The following ZNF331 variants were observed in gnomAD, a reference collection of about 807,000 sequenced individuals.
ZNF331 encodes the protein C2H2-like zinc finger protein rearranged in thyroid adenomas.
ZNF331 carries 2 observed loss-of-function variants against 7.0 expected under a neutral mutation model. That is an observed-to-expected ratio of 0.29 (90% CI 0.12 to 0.90). The LOEUF (loss-of-function observed/expected upper bound fraction) is 0.90. ZNF331 is among the 40% of genes least tolerant of loss of function. The pLI is 0.58. For synonymous variants in ZNF331, 196 were observed against 205.4 expected, an observed-to-expected ratio of 0.95 and a Z score of 0.39; for missense variants, 432 against 587.7, an observed-to-expected ratio of 0.74 and a Z score of 2.74.
At chr19:53,504,852 G>T in the ZNF331 span, among the ~76,000 whole-genome samples, 3 of 152,320 alleles carry the variant, frequency 2.0e-5, no homozygotes, top group Admixed American at 6.5e-5. Flanking sequence ...GGTGTGGTTA[G>T]CGGACAGAAA....
chr19:53,540,567 G>A (rs940819363), intron 2 of ZNF331, among the ~76,000 whole-genome samples: 6 of 152,038 alleles, frequency 3.9e-5, no homozygotes, highest in African/African-American at 1.4e-4. Flanking sequence ...CGAGTAGCTG[G>A]GATTACAGGC....
chr19:53,521,331 A>AGTGTGCGT (rs1555748068), exon 1 of ZNF331: 1 of 129,114 alleles, frequency 7.7e-6, no homozygotes, highest in African/African-American at 3.0e-5. Flanking sequence ...AGTGTGTGTG[A>AGTGTGCGT]GTGTGTGTGT....
chr19:53,564,688 T>C (rs2090072770), intron 3 of ZNF331, among the ~76,000 whole-genome samples: 1 of 152,254 alleles, frequency 6.6e-6, no homozygotes, highest in Non-Finnish European at 1.5e-5. Flanking sequence ...TATCATTATA[T>C]AACATTATTT....
chr19:53,504,665 T>C, the ZNF331 span, among the ~76,000 whole-genome samples: 5 of 152,246 alleles, frequency 3.3e-5, no homozygotes, highest in Admixed American at 1.3e-4. Flanking sequence ...TAGTAAAATA[T>C]ATATTTTCTC....
At chr19:53,550,529 C>CTTTTTTTTTTTTTTTTTTT (rs60619357) in intron 2 of ZNF331, among the ~76,000 whole-genome samples, 2 of 64,540 alleles carry the variant, frequency 3.1e-5, no homozygotes, top group Non-Finnish European at 5.2e-5. Context: ...TCTATTTTGT[C>CTTTTTTTTTTTTTTTTTTT]TTTTTTTTTT....
chr19:53,553,831 C>T (rs1448899740), intron 2 of ZNF331, among the ~76,000 whole-genome samples: 2 of 152,208 alleles, frequency 1.3e-5, no homozygotes, highest in African/African-American at 4.8e-5. Flanking sequence ...CATGGCTCAC[C>T]CGGCATCACC....
At chr19:53,569,505 C>G in intron 4 of ZNF331, 120 bp downstream of exon 4, 1 of 1,142,026 alleles carries the variant, frequency 8.8e-7, no homozygotes, top group Non-Finnish European at 1.3e-6. Context: ...TTTCCCAGCT[C>G]TTTCTATTCC....
chr19:53,555,776 G>A (rs1014500456), intron 2 of ZNF331, 69 bp from the exon 3 acceptor site: 2 of 152,076 alleles, frequency 1.3e-5, no homozygotes, highest in Admixed American at 1.3e-4. Context: ...CTCCATCTCG[G>A]GGCCTCGTAT....
chr19:53,543,501 A>G (rs2088329909), intron 2 of ZNF331, among the ~76,000 whole-genome samples: 1 of 151,726 alleles, frequency 6.6e-6, no homozygotes. Context: ...TGACCTCGTG[A>G]TCCGATCCGC....
the ZNF331 span, among the ~76,000 whole-genome samples, chr19:53,506,131 C>T: frequency 6.6e-6 from 1 of 151,340 alleles, no homozygotes; most frequent in East Asian, 2.0e-4. Flanking sequence ...GTCAGGAGAT[C>T]GAGACCATCC....
chr19:53,544,053 C>T (rs1236502433), intron 2 of ZNF331, among the ~76,000 whole-genome samples: 1 of 151,050 alleles, frequency 6.6e-6, no homozygotes, highest in African/African-American at 2.4e-5. Context: ...ATGGTGAAAT[C>T]CCATCTCTAC....
intron 2 of ZNF331, among the ~76,000 whole-genome samples, chr19:53,530,760 C>T (rs2087505911): frequency 6.6e-6 from 1 of 152,234 alleles, no homozygotes; most frequent in Non-Finnish European, 1.5e-5. Flanking sequence ...TGTGCATGTA[C>T]ATTGGCATCC....
chr19:53,523,102 A>G (rs376669729), intron 2 of ZNF331, among the ~76,000 whole-genome samples: 1 of 141,038 alleles, frequency 7.1e-6, no homozygotes, highest in Non-Finnish European at 1.5e-5. Context: ...TTTTATATAT[A>G]TGTATACATT....
chr19:53,527,114 G>A (rs895259852), intron 2 of ZNF331, among the ~76,000 whole-genome samples: 17 of 151,874 alleles, frequency 1.1e-4, no homozygotes, highest in African/African-American at 3.6e-4. Context: ...ACTTGAACCC[G>A]GGAGTTGGAG....
At chr19:53,574,664 G>T (rs2090619246) in intron 5 of ZNF331, among the ~76,000 whole-genome samples, 1 of 152,118 alleles carries the variant, frequency 6.6e-6, no homozygotes, top group African/African-American at 2.4e-5. Context: ...CTTCCCGGGT[G>T]TTGTTAATGT....
chr19:53,564,955 G>T (rs948502554), intron 3 of ZNF331, among the ~76,000 whole-genome samples: 4 of 152,076 alleles, frequency 2.6e-5, no homozygotes, highest in African/African-American at 9.7e-5. Flanking sequence ...CTGATTTTTT[G>T]AACATTCTTA....
Position 53,545,071 on chromosome 19 carries a change from G to T in ZNF331, c.-138+5789G>T, listed in dbSNP as rs1037566487. On this transcript the variant is annotated intron_variant, in intron 2 of 5. Transcript: ENST00000449416. ...TCACTACTGGTGTAAGTCAGGTTAA[G>T]GGTGCACTGGATCTCTCTGTATTAT... is the stretch of plus-strand genomic sequence containing the variant. 2.6e-5 allele frequency among the ~76,000 whole-genome samples: 4 copies of T among 152,156 alleles called. No homozygotes were observed. In the South Asian group the frequency reaches 6.2e-4, roughly 24 times the overall value.
At chr19:53,529,796 T>G (rs2087459871) in intron 2 of ZNF331, among the ~76,000 whole-genome samples, 1 of 152,158 alleles carries the variant, frequency 6.6e-6, no homozygotes, top group South Asian at 2.1e-4. Flanking sequence ...TACCTGTATG[T>G]TGTCTATAAC....
the ZNF331 span, among the ~76,000 whole-genome samples, chr19:53,506,994 A>T: frequency 6.6e-6 from 1 of 152,152 alleles, no homozygotes; most frequent in South Asian, 2.1e-4. Flanking sequence ...AGTTGCTCTC[A>T]ATCTTCCTGT....
Sources: gnomAD v4.1 joint callset for allele counts (sites outside exome capture counted in the v4.1 genomes callset) on GRCh38, gnomAD v4.1.1 for gene constraint, MANE v1.5 for transcripts, NCBI Gene and HGNC (gene_info 2026-07-23, HGNC 2026-07-21) for gene names.